The following SUMF1 variants were observed in gnomAD, a reference collection of about 807,000 sequenced individuals.
The protein encoded by SUMF1 is sulfatase modifying factor 1.
SUMF1 carries 48 observed loss-of-function variants against 47.6 expected under a neutral mutation model. The observed-to-expected ratio is 1.01, with a 90% CI of 0.80 to 1.28. The LOEUF (loss-of-function observed/expected upper bound fraction) is 1.28. Ranked by LOEUF, SUMF1 falls within the 50% of genes most tolerant of loss-of-function variation. The pLI, the probability that SUMF1 is intolerant of heterozygous loss-of-function variation, is 0.00. For synonymous variants in SUMF1, 230 were observed against 192.1 expected (o/e 1.20, Z -1.63); for missense variants, 571 against 485.4 (o/e 1.18, Z -1.66).
intron 8 of SUMF1, among the ~76,000 whole-genome samples, chr3:4,268,664 T>A (rs1419503994): frequency 1.3e-5 from 2 of 151,624 alleles, no homozygotes; most frequent in Non-Finnish European, 2.9e-5. Context: ...CCTGTTTACA[T>A]ACACAGAAAC....
chr3:4,438,144 T>C (rs2125091929), intron 3 of SUMF1, among the ~76,000 whole-genome samples: 1 of 152,192 alleles, frequency 6.6e-6, no homozygotes, highest in Admixed American at 6.5e-5. Flanking sequence ...CTTTTCTTAC[T>C]ATTTTAATTA....
intron 8 of SUMF1, among the ~76,000 whole-genome samples, chr3:4,274,466 T>C (rs1321707419): frequency 6.6e-6 from 1 of 152,146 alleles, no homozygotes; most frequent in Non-Finnish European, 1.5e-5. Context: ...TCTTATTTAA[T>C]GAATAAGAAA....
intron 8 of SUMF1, among the ~76,000 whole-genome samples, chr3:4,159,005 C>A (rs1158255744): frequency 1.3e-5 from 2 of 151,468 alleles, no homozygotes; most frequent in Non-Finnish European, 2.9e-5. Context: ...AAGTATTGTA[C>A]TGTCTGTGTC....
chr3:4,146,865 CTCA>C (rs1694205926), intron 8 of SUMF1, among the ~76,000 whole-genome samples: 1 of 152,096 alleles, frequency 6.6e-6, no homozygotes, highest in African/African-American at 2.4e-5. Context: ...AGGACATGAA[CTCA>C]TCATTTTTTA....
At chr3:4,132,886 C>T (rs960801760) in intron 8 of SUMF1, among the ~76,000 whole-genome samples, 8 of 152,032 alleles carry the variant, frequency 5.3e-5, no homozygotes, top group African/African-American at 1.9e-4. Flanking sequence ...TTACCATGCC[C>T]TGTGATTAAG....
At chr3:4,325,628 C>T (rs1210869430) in intron 8 of SUMF1, among the ~76,000 whole-genome samples, 1 of 151,458 alleles carries the variant, frequency 6.6e-6, no homozygotes, top group East Asian at 1.9e-4. Context: ...CACACACACA[C>T]ACATATATGC....
chr3:4,039,156 T>C (rs1486139192), intron 9 of SUMF1, among the ~76,000 whole-genome samples: 2 of 141,558 alleles, frequency 1.4e-5, no homozygotes, highest in African/African-American at 5.1e-5. Flanking sequence ...ATAATCCATA[T>C]CCTAAAAATG....
chr3:4,285,325 T>C (rs1575052614), intron 8 of SUMF1, among the ~76,000 whole-genome samples: 1 of 152,252 alleles, frequency 6.6e-6, no homozygotes. Flanking sequence ...ACAAAGCACT[T>C]TTCTGAAGAG....
chr3:4,247,327 C>G (rs1327155312), intron 8 of SUMF1, among the ~76,000 whole-genome samples: 1 of 152,180 alleles, frequency 6.6e-6, no homozygotes, highest in Non-Finnish European at 1.5e-5. Flanking sequence ...TTTCCAAGAA[C>G]AGCAAAAACC....
In SUMF1 at chr3:4,420,052, G is replaced by A. The variant is rs200971871; in HGVS notation, c.602+12C>T. On this transcript the variant is annotated intron_variant, in intron 4 of 8. Coordinates refer to ENST00000272902, the MANE Select transcript of SUMF1 (RefSeq NM_182760.4). ...GGAACTTGTCAACTGGGGAAAGAGG[G>A]ACCAGCCTCACCTGTGCAGAATAGT... 770 of 1,613,112 alleles carry A rather than the reference G, an allele frequency of 4.8e-4. No individual in the cohort carries two copies. Among genetic ancestry groups the A allele is most frequent in the Non-Finnish European group, 6.0e-4 (703 of 1,179,140 alleles).
intron 5 of SUMF1, 124 bp downstream of exon 5, chr3:4,417,886 T>C: frequency 6.5e-7 from 1 of 1,546,824 alleles, no homozygotes; most frequent in Admixed American, 1.7e-5. Context: ...CGTGGAAAAA[T>C]AAGAAAAAGA....
chr3:4,149,089 G>T (rs910744368), intron 8 of SUMF1, among the ~76,000 whole-genome samples: 1 of 152,136 alleles, frequency 6.6e-6, no homozygotes, highest in Non-Finnish European at 1.5e-5. Context: ...ATTCTCTGGA[G>T]TTCCTTAAGA....
intron 8 of SUMF1, among the ~76,000 whole-genome samples, chr3:4,370,654 G>A (rs746081282): frequency 1.2e-4 from 18 of 152,012 alleles, no homozygotes; most frequent in Non-Finnish European, 1.9e-4. Flanking sequence ...TTATTCCCAG[G>A]GCCATATCTG....
At chr3:4,282,883 G>T (rs1371351063) in intron 8 of SUMF1, among the ~76,000 whole-genome samples, 2 of 152,108 alleles carry the variant, frequency 1.3e-5, no homozygotes, top group Non-Finnish European at 1.5e-5. Flanking sequence ...TCTGCTCAGT[G>T]AAAAATTATT....
chr3:4,105,770 GAAATCTATATCAT>G (rs1693144198), intron 8 of SUMF1, among the ~76,000 whole-genome samples: 1 of 152,016 alleles, frequency 6.6e-6, no homozygotes, highest in East Asian at 1.9e-4. Context: ...CTTTACCAGA[GAAATCTATATCAT>G]AAATTGAATA....
At chr3:4,185,951 T>A (rs904808736) in intron 8 of SUMF1, among the ~76,000 whole-genome samples, 1 of 152,182 alleles carries the variant, frequency 6.6e-6, no homozygotes, top group African/African-American at 2.4e-5. Context: ...ACACTGGAAG[T>A]ACCAGAAGCA....
At chr3:4,311,828 T>A (rs185311856) in intron 8 of SUMF1, among the ~76,000 whole-genome samples, 175 of 152,288 alleles carry the variant, frequency 1.1e-3, no homozygotes, top group South Asian at 2.3e-3. Flanking sequence ...TATAAAATGG[T>A]TTGAGTTCTA....
At chr3:4,333,705 G>A (rs73121620) in intron 8 of SUMF1, among the ~76,000 whole-genome samples, 161 of 152,286 alleles carry the variant, frequency 1.1e-3, no homozygotes, top group African/African-American at 3.6e-3. Flanking sequence ...TATCCTATGG[G>A]ATGAGGACTC....
At position 4,105,701 on chromosome 3, in the gene SUMF1, G is replaced by T. The variant is rs1034156437; in HGVS notation, c.1015-36956C>A. Among the ~76,000 whole-genome samples the T allele has an allele frequency of 3.3e-5, 5 of 152,008 alleles. No homozygotes were observed. In the East Asian group the frequency reaches 9.7e-4, roughly 29 times the overall value. ...CTGTTTGGGGAACTAAAATTTTTTTGTTAAAAAGAAATAAGACAAGACGAT... is the reference window on the plus strand; with the variant it reads ...CTGTTTGGGGAACTAAAATTTTTTTTTTAAAAAGAAATAAGACAAGACGAT... On this transcript the variant is annotated intron_variant and NMD_transcript_variant, in intron 8 of 12. Coordinates refer to the SUMF1 transcript ENST00000448413.
Sources: allele counts gnomAD v4.1 joint callset (sites outside exome capture counted in the v4.1 genomes callset), GRCh38; gene constraint gnomAD v4.1.1; transcripts MANE v1.5; gene names NCBI Gene and HGNC (gene_info 2026-07-23, HGNC 2026-07-21).